The following RASA3 variants were observed in gnomAD, a reference collection of about 807,000 sequenced individuals.
RASA3 encodes the protein RAS p21 protein activator 3, also known as ras GTPase-activating protein 3.
Under a neutral mutation model 110.0 loss-of-function variants are expected in RASA3, and 73 were observed. The observed-to-expected ratio is 0.66, with a 90% CI of 0.55 to 0.81. The LOEUF is 0.81. RASA3 is among the 30% of genes least tolerant of loss of function. The pLI is 0.00. For missense variants in RASA3, 976 were observed against 1,113.2 expected, an observed-to-expected ratio of 0.88 and a Z score of 1.75; for synonymous variants, 500 against 451.4, an observed-to-expected ratio of 1.11 and a Z score of -1.37.
At chr13:114,039,809 C>T (rs1308011260) in intron 4 of RASA3, among the ~76,000 whole-genome samples, 1 of 152,236 alleles carries the variant, frequency 6.6e-6, no homozygotes, top group Non-Finnish European at 1.5e-5. Context: ...AGCCCCCGGT[C>T]TTGCGTGGGG....
At position 113,978,768 on chromosome 13, in the gene RASA3, G is replaced by C. The variant is rs2052836422; in HGVS notation, c.*579C>G. 6.5e-6 allele frequency: 1 copy of C among 153,956 alleles called. No individual in the cohort carries two copies. The highest frequency in any genetic ancestry group is 1.4e-5 in the Non-Finnish European group (1 of 69,222). 9.5% of individuals were successfully genotyped at this position (153,956 alleles called of 1,614,324 possible). A position where few individuals can be genotyped will look rare whatever the true frequency, so the allele number is the denominator to read the frequency against. On this transcript the variant is annotated 3_prime_UTR_variant, in exon 24 of 24. Transcript: ENST00000334062. ...GCCATAAAACTGACCCCTCAGCCAGGAATCAAACGAACCTCGAAAGTGGAA... is the reference window on the plus strand; with the variant it reads ...GCCATAAAACTGACCCCTCAGCCAGCAATCAAACGAACCTCGAAAGTGGAA...
chr13:114,129,067 G>A (rs1175351370), intron 1 of RASA3, among the ~76,000 whole-genome samples: 2 of 152,216 alleles, frequency 1.3e-5, no homozygotes, highest in African/African-American at 4.8e-5. Context: ...GAGGGGAGGA[G>A]GCACTGCACG....
At position 114,024,323 on chromosome 13, in the gene RASA3, G is replaced by A; in HGVS notation, c.636C>T (p.Ser212=). 1 of 1,613,946 alleles carries A rather than the reference G, an allele frequency of 6.2e-7. No individual in the cohort carries two copies. The highest frequency in any genetic ancestry group is 8.5e-7 in the Non-Finnish European group (1 of 1,179,950). The change falls in exon 8 of 24, where the codon TCC becomes TCT. Residue 212 remains serine (S), a synonymous_variant. Transcript: ENST00000334062. ...VTRPCSYSKK[S]HFDFEEEDVD... ...CGTCTTCCTCCTCAAAGTCAAAGTGGGACTTCTTGCTGTAGCTACAGGGCC... is the reference window on the plus strand; with the variant it reads ...CGTCTTCCTCCTCAAAGTCAAAGTGAGACTTCTTGCTGTAGCTACAGGGCC...
At chr13:114,027,295 G>A in intron 7 of RASA3, 94 bp downstream of exon 7, 1 of 1,114,376 alleles carries the variant, frequency 9.0e-7, no homozygotes, top group Non-Finnish European at 1.3e-6. Flanking sequence ...AACTTCCAGA[G>A]GGAAGAGACT....
rs113706177 is a variant in RASA3 at position 113,996,551 on chromosome 13, C to T, written c.2121G>A (p.Pro707=). 336 of 1,612,670 alleles carry T rather than the reference C, an allele frequency of 2.1e-4. No homozygotes were observed. The highest frequency in any genetic ancestry group is 4.0e-4 in the African/African-American group (30 of 75,048). The change falls in exon 21 of 24, where the codon CCG becomes CCA. Residue 707 remains proline (P), a synonymous_variant. Coordinates refer to ENST00000334062, the MANE Select transcript of RASA3 (RefSeq NM_007368.4). ...CCTACCCAGTGCAGGGCGAGCAGCCCGGAGCCGAGTCGGATGGCGCCCTAC... is the reference window on the plus strand; with the variant it reads ...CCTACCCAGTGCAGGGCGAGCAGCCTGGAGCCGAGTCGGATGGCGCCCTAC... ...LCCRAPSDSA[P]GCSPCTGGLP...
At chr13:114,026,731 CA>C (rs1344807832) in intron 7 of RASA3, among the ~76,000 whole-genome samples, 1 of 152,244 alleles carries the variant, frequency 6.6e-6, no homozygotes, top group Non-Finnish European at 1.5e-5. Context: ...AGGGCCTGTG[CA>C]CCGGAATGTT....
rs1286808466 is a variant in RASA3 at position 113,977,820 on chromosome 13, A to C, written c.*1527T>G. The C allele has an allele frequency of 1.3e-5, 2 of 152,644 alleles. No homozygotes were observed. Among genetic ancestry groups the C allele is most frequent in the East Asian group, 3.9e-4 (2 of 5,194 alleles). 9.5% of individuals were successfully genotyped at this position (152,644 alleles called of 1,614,324 possible). On this transcript the variant is annotated 3_prime_UTR_variant, in exon 24 of 24. Coordinates refer to ENST00000334062, the MANE Select transcript of RASA3 (RefSeq NM_007368.4). The stretch of plus-strand genomic sequence containing the variant: ...AAACATCTGTTTTAATTGGCCAGTA[A>C]AATACATTGCAAATCATTAGTATTT...
intron 3 of RASA3, among the ~76,000 whole-genome samples, chr13:114,042,774 C>A (rs910677388): frequency 3.3e-5 from 5 of 152,236 alleles, no homozygotes; most frequent in Admixed American, 1.3e-4. Flanking sequence ...CAGCCACATG[C>A]TTGGGCCTGA....
At position 114,018,221 on chromosome 13, in the gene RASA3, C is replaced by T. The variant is rs772615941; in HGVS notation, c.974G>A (p.Gly325Asp). ...PVSASAAHIL[G>D]EVCREKQEAA... is the part of the protein sequence containing the mutation. ...CTCCTGCTTCTCCCGGCAAACCTCG[C>T]CCAGGATGTGGGCCGCAGACGCTGA... is the stretch of plus-strand genomic sequence containing the variant. Residue 325 changes from glycine to aspartate, a missense_variant, in exon 11 of 24, where the codon GGC becomes GAC. Around this residue, in one of 4 missense-constraint regions of RASA3, gnomAD observed 732 missense variants for 779.7 expected, o/e 0.94. Transcript: ENST00000334062. 1 of 1,553,896 alleles carries T rather than the reference C, an allele frequency of 6.4e-7. No individual in the cohort carries two copies. The highest frequency in any genetic ancestry group is 1.2e-5 in the South Asian group (1 of 84,240).
chr13:114,063,944 T>G (rs1473427155), intron 2 of RASA3, among the ~76,000 whole-genome samples: 2 of 152,226 alleles, frequency 1.3e-5, no homozygotes, highest in Non-Finnish European at 2.9e-5. Context: ...CAGTTTTAAA[T>G]CTCATTTTTT....
intron 1 of RASA3, among the ~76,000 whole-genome samples, chr13:114,117,703 GTGCACGTGTGTGAGGGA>G (rs1411262092): frequency 2.6e-5 from 3 of 113,850 alleles, no homozygotes; most frequent in Admixed American, 1.9e-4. Context: ...TGTGTGAGGG[GTGCACGTGTGTGAGGGA>G]TGCATGTGTG....
At chr13:113,980,693 G>T (rs1188667059) in intron 23 of RASA3, among the ~76,000 whole-genome samples, 1 of 152,270 alleles carries the variant, frequency 6.6e-6, no homozygotes, top group East Asian at 1.9e-4. Flanking sequence ...GATGTCAGAG[G>T]TGAAGTCACA....
At chr13:114,121,392 T>C (rs2139790302) in intron 1 of RASA3, among the ~76,000 whole-genome samples, 1 of 152,282 alleles carries the variant, frequency 6.6e-6, no homozygotes, top group Admixed American at 6.5e-5. Context: ...TGCAGCCTAC[T>C]CAGCACAGAT....
At chr13:114,017,188 A>C (rs2053812140) in intron 12 of RASA3, 49 bp downstream of exon 12, 1 of 1,525,148 alleles carries the variant, frequency 6.6e-7, no homozygotes, top group East Asian at 2.3e-5. Flanking sequence ...TGTTGGGGGA[A>C]ATCCTCCCCA....
Position 114,072,040 on chromosome 13 carries a change from G to A in RASA3, c.173+1680C>T, listed in dbSNP as rs555770702. On this transcript the variant is annotated intron_variant, in intron 2 of 23. Coordinates refer to ENST00000334062, the MANE Select transcript of RASA3 (RefSeq NM_007368.4). ...ATCCCCAAGCCGCTCCTTATAACCC[G>A]GTGGAGTCACAGCTACACGGACATC... 6.8e-4 allele frequency among the ~76,000 whole-genome samples: 103 copies of A among 152,168 alleles called. 1 individual carries two copies. The highest frequency in any genetic ancestry group is 2.4e-3 in the African/African-American group (98 of 41,504).
chr13:114,113,625 T>C (rs550976008), intron 1 of RASA3, among the ~76,000 whole-genome samples: 1 of 138,458 alleles, frequency 7.2e-6, no homozygotes, highest in South Asian at 2.4e-4. Flanking sequence ...CCACGGCGAG[T>C]GATGTCCGTA....
chr13:114,067,580 C>T (rs1400329690), intron 2 of RASA3, among the ~76,000 whole-genome samples: 2 of 152,328 alleles, frequency 1.3e-5, no homozygotes, highest in East Asian at 1.9e-4. Flanking sequence ...TCTCCCCTCC[C>T]GAAAAACTTT....
At position 113,979,374 on chromosome 13, in the gene RASA3, C is replaced by G; in HGVS notation, c.2478G>C (p.Gln826His). 6.2e-7 allele frequency: 1 copy of G among 1,605,294 alleles called. No homozygotes were observed. The highest frequency in any genetic ancestry group is 2.2e-5 in the East Asian group (1 of 44,662). Residue 826 changes from glutamine (Q) to histidine (H), a missense_variant, in exon 24 of 24, where the codon CAG becomes CAC. By Grantham distance (24) the Gln-to-His change is conservative. This residue lies in a region of RASA3 where 132 missense variants were observed against 152.8 expected (regional missense o/e 0.86). Transcript: ENST00000334062. ...AAATGGAATGAGTGGAGGTCTCGGACTGCTGCCGGATGTAGTTCTGGAAGC... is the reference window on the plus strand; with the variant it reads ...AAATGGAATGAGTGGAGGTCTCGGAGTGCTGCCGGATGTAGTTCTGGAAGC... ...DKSFQNYIRQ[Q>H]SETSTHSI is the part of the protein sequence containing the mutation.
At position 114,057,855 on chromosome 13, in the gene RASA3, T is replaced by G. The variant is rs531367797; in HGVS notation, c.174-5700A>C. On this transcript the variant is annotated intron_variant, in intron 2 of 23. Transcript: ENST00000334062. This position sits in a 1 kb window ranked among gnomAD's most constrained non-coding sequence, Gnocchi z 5.0. The stretch of plus-strand genomic sequence containing the variant: ...ACCCAGAACAATGGCTTCCCTGGGG[T>G]GCGGGCTCGGCCTGCAGGATGGAGG... Among the ~76,000 whole-genome samples the G allele has an allele frequency of 5.9e-5, 9 of 152,098 alleles. No homozygotes were observed. The South Asian group carries it at 1.9e-3, about 32-fold the overall frequency.
Sources: gnomAD v4.1 joint callset for allele counts (sites outside exome capture counted in the v4.1 genomes callset) on GRCh38, gnomAD v4.1.1 for gene constraint, gnomAD v4.1.1 regional missense constraint, Gnocchi (gnomAD v3.1) non-coding constraint, MANE v1.5 for transcripts, NCBI Gene and HGNC (gene_info 2026-07-23, HGNC 2026-07-21) for gene names.